PID1: variants seen among roughly 807,000 people sequenced by gnomAD.
PID1 encodes phosphotyrosine interaction domain containing 1.
A neutral mutation model predicts 19.1 loss-of-function variants in PID1; 10 were observed. The observed-to-expected ratio is 0.52, with a 90% CI of 0.32 to 0.89. The LOEUF (loss-of-function observed/expected upper bound fraction) is 0.89, where lower values mean the gene tolerates loss of function less well. PID1 is among the 40% of genes least tolerant of loss of function. The probability of loss-of-function intolerance (pLI) is 0.03; values close to 1 mark genes in which losing one functional copy is unlikely to be tolerated. For synonymous variants in PID1, 130 were observed against 116.0 expected, an observed-to-expected ratio of 1.12 and a Z score of -0.78; for missense variants, 248 against 285.3, an observed-to-expected ratio of 0.87 and a Z score of 0.94.
chr2:229,230,494 G>C (rs1169937681), intron 1 of PID1, among the ~76,000 whole-genome samples: 2 of 152,142 alleles, frequency 1.3e-5, no homozygotes, highest in African/African-American at 4.8e-5. Flanking sequence ...TTTACAACTG[G>C]AAGTTCTTCT....
intron 2 of PID1, among the ~76,000 whole-genome samples, chr2:229,115,261 C>G (rs1695387022): frequency 6.6e-6 from 1 of 151,912 alleles, no homozygotes; most frequent in Admixed American, 6.6e-5. Context: ...AATCCCAACA[C>G]TTTGGGAGGC....
chr2:229,189,783 C>A (rs1003772064), intron 1 of PID1, among the ~76,000 whole-genome samples: 8 of 152,010 alleles, frequency 5.3e-5, no homozygotes, highest in Non-Finnish European at 1.2e-4. Context: ...CAGGCAAGGG[C>A]GGGGCAGAGA....
intron 1 of PID1, among the ~76,000 whole-genome samples, chr2:229,186,769 T>G (rs2106226805): frequency 6.6e-6 from 1 of 152,344 alleles, no homozygotes; most frequent in African/African-American, 2.4e-5. Flanking sequence ...TCCTCATTAC[T>G]TATGCAAATT....
chr2:229,181,259 G>A (rs936879149), intron 1 of PID1, among the ~76,000 whole-genome samples: 6 of 152,186 alleles, frequency 3.9e-5, no homozygotes, highest in African/African-American at 1.4e-4. Flanking sequence ...GATGCTAACA[G>A]ATGAGGCCCC....
intron 2 of PID1, among the ~76,000 whole-genome samples, chr2:229,143,239 T>A (rs1463452953): frequency 6.7e-6 from 1 of 150,266 alleles, no homozygotes; most frequent in South Asian, 2.2e-4. Flanking sequence ...GAGATATACC[T>A]AATGCTAAAT....
Position 229,096,650 on chromosome 2 carries a change from G to A in PID1, c.177+59168C>T, listed in dbSNP as rs566326174. Among the ~76,000 whole-genome samples, 7 of 152,242 alleles carry A rather than the reference G, an allele frequency of 4.6e-5. No homozygotes were observed. The East Asian group carries it at 1.3e-3, about 29-fold the overall frequency. On this transcript the variant is annotated intron_variant, in intron 2 of 2. Transcript: ENST00000392055. ...TGATAATAATATAAATCTCTCTAAAGAGGATCAGACAGATAACATCAAAAG... is the reference window on the plus strand; with the variant it reads ...TGATAATAATATAAATCTCTCTAAAAAGGATCAGACAGATAACATCAAAAG...
chr2:229,141,565 G>A (rs1039063791), intron 2 of PID1, among the ~76,000 whole-genome samples: 4 of 152,150 alleles, frequency 2.6e-5, no homozygotes, highest in Admixed American at 6.6e-5. Flanking sequence ...CATACTAGGT[G>A]GAAACATGAG....
chr2:229,206,067 C>T (rs2106245089), intron 1 of PID1, among the ~76,000 whole-genome samples: 1 of 152,200 alleles, frequency 6.6e-6, no homozygotes, highest in East Asian at 1.9e-4. Flanking sequence ...GAAATAGATC[C>T]TGTGTGCTTT....
At chr2:229,182,353 C>T (rs1690963954) in intron 1 of PID1, among the ~76,000 whole-genome samples, 1 of 151,988 alleles carries the variant, frequency 6.6e-6, no homozygotes, top group Admixed American at 6.6e-5. Flanking sequence ...ATGCCTTCCA[C>T]CTCAATTTTG....
At chr2:229,118,728 T>C (rs954107173) in intron 2 of PID1, among the ~76,000 whole-genome samples, 13 of 152,046 alleles carry the variant, frequency 8.6e-5, no homozygotes, top group African/African-American at 3.1e-4. Context: ...GTACTAAACA[T>C]GAAAGGACTT....
intron 2 of PID1, among the ~76,000 whole-genome samples, chr2:229,145,856 T>C (rs1690119226): frequency 6.6e-6 from 1 of 152,224 alleles, no homozygotes; most frequent in Non-Finnish European, 1.5e-5. Context: ...ACCTATATTC[T>C]ATATAAAATG....
intron 2 of PID1, among the ~76,000 whole-genome samples, chr2:229,096,842 C>A (rs1332690704): frequency 1.3e-5 from 2 of 152,104 alleles, no homozygotes; most frequent in African/African-American, 4.8e-5. Context: ...GTAATAATAA[C>A]CCCACAGTTG....
chr2:229,109,173 T>A (rs1347587899), intron 2 of PID1, among the ~76,000 whole-genome samples: 2 of 152,170 alleles, frequency 1.3e-5, no homozygotes, highest in African/African-American at 4.8e-5. Context: ...AAAACCCTCA[T>A]GAAGATCACC....
At chr2:229,046,883 A>G (rs1406455357) in intron 2 of PID1, among the ~76,000 whole-genome samples, 1 of 152,250 alleles carries the variant, frequency 6.6e-6, no homozygotes, top group Non-Finnish European at 1.5e-5. Context: ...TTGACTGCAC[A>G]TGAACCTTCA....
rs111735130 is a variant in PID1 at position 229,057,363 on chromosome 2, G to A, written c.178-31255C>T. ...GAGGTGGGAGAGTTGCTTGGAGGCC[G>A]GAGAGTCGCTTGAATCCAGGAGGCG... On this transcript the variant is annotated intron_variant, in intron 2 of 2. Coordinates refer to ENST00000392055, the MANE Select transcript of PID1 (RefSeq NM_001100818.2). 5.3e-5 allele frequency among the ~76,000 whole-genome samples: 8 copies of A among 151,878 alleles called. No individual in the cohort carries two copies. The East Asian group carries it at 7.8e-4, about 15-fold the overall frequency.
intron 2 of PID1, among the ~76,000 whole-genome samples, chr2:229,065,464 G>C (rs996936225): frequency 3.3e-5 from 5 of 152,006 alleles, no homozygotes; most frequent in Non-Finnish European, 7.4e-5. Context: ...CTGTCATATG[G>C]AATATTAATC....
chr2:229,042,969 G>C (rs540499998), intron 2 of PID1, among the ~76,000 whole-genome samples: 1 of 151,244 alleles, frequency 6.6e-6, no homozygotes, highest in Non-Finnish European at 1.5e-5. Flanking sequence ...GAGAGAGAAA[G>C]GGGGTAGCGC....
rs781657641 is a variant in PID1 at position 229,222,481 on chromosome 2, A to G, written c.30+48533T>C. Among the ~76,000 whole-genome samples the G allele has an allele frequency of 1.0e-3, 152 of 152,292 alleles. 1 individual carries two copies. The highest frequency in any genetic ancestry group is 1.9e-3 in the Non-Finnish European group (126 of 68,022). ...CTTTTATAATTACTTTGCTGGTTAC[A>G]CAGACTGTAAGAGTTAATTTTATGT... On this transcript the variant is annotated intron_variant, in intron 1 of 2. Coordinates refer to ENST00000392055, the MANE Select transcript of PID1 (RefSeq NM_001100818.2).
intron 2 of PID1, among the ~76,000 whole-genome samples, chr2:229,072,689 T>C (rs1219867002): frequency 6.6e-6 from 1 of 152,234 alleles, no homozygotes; most frequent in Non-Finnish European, 1.5e-5. Flanking sequence ...TAAATTGCTG[T>C]ATTAAAAACA....
Sources: gnomAD v4.1 joint callset for allele counts (sites outside exome capture counted in the v4.1 genomes callset) on GRCh38, gnomAD v4.1.1 for gene constraint, MANE v1.5 for transcripts, NCBI Gene and HGNC (gene_info 2026-07-23, HGNC 2026-07-21) for gene names.